Variants in ATPAF1 observed in about 807,000 individuals in gnomAD.
ATPAF1 encodes ATP synthase mitochondrial F1 complex assembly factor 1, also known as homolog of yeast ATP11.
ATPAF1 carries 26 observed loss-of-function variants against 43.9 expected under a neutral mutation model. That is an observed-to-expected ratio of 0.59 (90% CI 0.43 to 0.82). The LOEUF (loss-of-function observed/expected upper bound fraction) is 0.82. Among genes scored for constraint, ATPAF1 ranks in the 40% least tolerant of loss-of-function variants. The pLI is 0.00. For synonymous variants in ATPAF1, 157 were observed against 168.0 expected (o/e 0.93, Z 0.50); for missense variants, 366 against 435.0 (o/e 0.84, Z 1.41).
intron 4 of ATPAF1, 93 bp downstream of exon 4, chr1:46,658,034 T>C: frequency 8.3e-7 from 1 of 1,208,412 alleles, no homozygotes; most frequent in East Asian, 2.3e-5. Flanking sequence ...CCTTTCATTG[T>C]GGCTAGAAAG....
intron 4 of ATPAF1, among the ~76,000 whole-genome samples, chr1:46,655,612 T>C (rs778404415): frequency 2.0e-5 from 3 of 152,212 alleles, no homozygotes; most frequent in Non-Finnish European, 4.4e-5. Flanking sequence ...GTCTTTTCAT[T>C]ATTTACCATT....
chr1:46,667,409 G>A (rs1473659221), intron 1 of ATPAF1, among the ~76,000 whole-genome samples: 1 of 152,074 alleles, frequency 6.6e-6, no homozygotes, highest in African/African-American at 2.4e-5. Context: ...CCCCTCATAT[G>A]CACCTTAAGC....
chr1:46,668,151 C>A lies in ATPAF1; in HGVS notation c.172G>T (p.Gly58Trp), dbSNP rs758830832. The change falls in exon 1 of 9, where the codon GGG (glycine) becomes TGG (tryptophan). Residue 58 changes from glycine (G) to tryptophan (W), a missense_variant. Coordinates refer to ENST00000574428, the Ensembl canonical transcript of ATPAF1. This position sits in a 1 kb window ranked among gnomAD's most constrained non-coding sequence, Gnocchi z 4.4. ...CCGACCCCGCTGCTGTCGGCGCCCC[C>A]CTCGGGCCGGCCCGAGCCGGGGCGC... 1.9e-5 allele frequency: 26 copies of A among 1,404,790 alleles called. No homozygotes were observed. The highest frequency in any genetic ancestry group is 2.1e-5 in the Non-Finnish European group (23 of 1,079,886). The allele number at this position is 1,404,790 out of a possible 1,614,324, so 87.0% of individuals were successfully genotyped here.
intron 1 of ATPAF1, 156 bp from the exon 2 acceptor site, chr1:46,665,520 A>T (rs1192454082): frequency 8.3e-7 from 1 of 1,199,662 alleles, no homozygotes; most frequent in Non-Finnish European, 1.2e-6. Context: ...CAGGCCTAGA[A>T]ATAAAGAAAC....
intron 8 of ATPAF1, among the ~76,000 whole-genome samples, chr1:46,641,062 CTTTA>C (rs1048301159): frequency 1.8e-4 from 27 of 151,988 alleles, no homozygotes; most frequent in African/African-American, 5.8e-4. Context: ...TCCACTGGAT[CTTTA>C]TTTATTTTAT....
At chr1:46,662,778 T>C (rs573597386) in intron 2 of ATPAF1, among the ~76,000 whole-genome samples, 26 of 152,330 alleles carry the variant, frequency 1.7e-4, no homozygotes, top group Non-Finnish European at 1.8e-4. Flanking sequence ...CATTTTATTT[T>C]ATTTTTTTCT....
At chr1:46,633,642 C>G, downstream of ATPAF1, 1 of 428,954 alleles carries the variant, frequency 2.3e-6, no homozygotes, top group Non-Finnish European at 4.5e-6. Context: ...AGAACAGCTA[C>G]GTGGTACTTT....
chr1:46,637,132 C>T (rs183870301), intron 8 of ATPAF1, among the ~76,000 whole-genome samples: 1 of 152,292 alleles, frequency 6.6e-6, no homozygotes, highest in African/African-American at 2.4e-5. Context: ...ACTAATACAT[C>T]AGCAAAGGCC....
intron 2 of ATPAF1, among the ~76,000 whole-genome samples, chr1:46,663,071 T>C (rs537623270): frequency 6.6e-6 from 1 of 152,330 alleles, no homozygotes; most frequent in Non-Finnish European, 1.5e-5. Flanking sequence ...CTGAGAACGA[T>C]GGTTTCCAGC....
At chr1:46,650,980 T>C (rs940669197) in intron 6 of ATPAF1, among the ~76,000 whole-genome samples, 2 of 152,066 alleles carry the variant, frequency 1.3e-5, no homozygotes, top group Non-Finnish European at 2.9e-5. Flanking sequence ...TAATTTATTG[T>C]ATATTTTCTT....
At chr1:46,646,216 T>C (rs538294790) in intron 6 of ATPAF1, among the ~76,000 whole-genome samples, 4 of 152,358 alleles carry the variant, frequency 2.6e-5, no homozygotes, top group African/African-American at 9.6e-5. Flanking sequence ...GTGTATCCTT[T>C]TGTAACTTTT....
rs368615050 is a variant in ATPAF1 at position 46,640,251 on chromosome 1, T to C, written c.792+2943A>G. 2.0e-5 allele frequency among the ~76,000 whole-genome samples: 3 copies of C among 152,224 alleles called. No homozygotes were observed. The East Asian group carries it at 5.8e-4, about 29-fold the overall frequency. On this transcript the variant is annotated intron_variant, in intron 8 of 8. Transcript: ENST00000574428. ...GAATATGGCTGTGTTCTAATAAAACTTGAAATACTATTTTTCTTTAATAAT... is the reference window on the plus strand; with the variant it reads ...GAATATGGCTGTGTTCTAATAAAACCTGAAATACTATTTTTCTTTAATAAT...
intron 6 of ATPAF1, among the ~76,000 whole-genome samples, chr1:46,649,635 T>C (rs756104669): frequency 2.0e-5 from 3 of 151,952 alleles, no homozygotes; most frequent in African/African-American, 4.8e-5. Context: ...ACCTTAACAA[T>C]AACAAAGCCT....
At chr1:46,636,887 C>T (rs1235511910) in intron 8 of ATPAF1, among the ~76,000 whole-genome samples, 1 of 152,122 alleles carries the variant, frequency 6.6e-6, no homozygotes, top group East Asian at 1.9e-4. Context: ...TATGGAGAAA[C>T]ACGACAAAGA....
intron 8 of ATPAF1, among the ~76,000 whole-genome samples, chr1:46,638,346 T>C (rs1048365146): frequency 1.6e-4 from 24 of 152,262 alleles, no homozygotes; most frequent in Non-Finnish European, 3.5e-4. Flanking sequence ...GGGCCAGGCG[T>C]GGTGGCTCAC....
At chr1:46,640,017 T>C (rs929908918) in intron 8 of ATPAF1, among the ~76,000 whole-genome samples, 5 of 152,196 alleles carry the variant, frequency 3.3e-5, no homozygotes, top group East Asian at 1.9e-4. Context: ...AATCTCTATA[T>C]TGTCACTCAC....
intron 6 of ATPAF1, 95 bp downstream of exon 6, chr1:46,652,486 A>ACTTATTAGTACAAT: frequency 8.8e-6 from 11 of 1,247,364 alleles, no homozygotes; most frequent in Admixed American, 3.9e-5. Flanking sequence ...GAGCACTATA[A>ACTTATTAGTACAAT]CATGTGAGAC....
intron 8 of ATPAF1, chr1:46,636,193 CCTTTT>C (rs1405314168): frequency 1.6e-6 from 1 of 608,428 alleles, no homozygotes; most frequent in Admixed American, 2.9e-5. Context: ...TTGTATTTTT[CCTTTT>C]CTTTTTTTGT....
chr1:46,641,726 C>T (rs1675954299), intron 8 of ATPAF1, among the ~76,000 whole-genome samples: 1 of 152,190 alleles, frequency 6.6e-6, no homozygotes, highest in Non-Finnish European at 1.5e-5. Flanking sequence ...TCAATTTTAG[C>T]TTCCAGGGCA....
Sources: gnomAD v4.1 joint callset for allele counts (sites outside exome capture counted in the v4.1 genomes callset) on GRCh38, gnomAD v4.1.1 for gene constraint, Gnocchi (gnomAD v3.1) non-coding constraint, MANE v1.5 for transcripts, NCBI Gene and HGNC (gene_info 2026-07-23, HGNC 2026-07-21) for gene names.